Variants in LRRC7 observed in about 807,000 individuals in gnomAD.
LRRC7 encodes leucine rich repeat containing 7.
LRRC7 carries 23 observed loss-of-function variants against 175.7 expected under a neutral mutation model. That is an observed-to-expected ratio of 0.13 (90% CI 0.09 to 0.19). The LOEUF (loss-of-function observed/expected upper bound fraction) is 0.19, where lower values mean the gene tolerates loss of function less well. Among genes scored for constraint, LRRC7 ranks in the 10% least tolerant of loss-of-function variants. The pLI, the probability that LRRC7 is intolerant of heterozygous loss-of-function variation, is 1.00. For missense variants in LRRC7, 1,354 were observed against 1,904.7 expected (o/e 0.71, Z 5.38); for synonymous variants, 685 against 680.9 (o/e 1.01, Z -0.09).
intron 1 of LRRC7, among the ~76,000 whole-genome samples, chr1:69,584,869 A>G (rs1646345080): frequency 1.3e-5 from 2 of 151,572 alleles, no homozygotes; most frequent in African/African-American, 4.8e-5. Flanking sequence ...CTTGTTTCCT[A>G]CCACCTCAGG....
chr1:70,115,516 T>A (rs541060305), intron 26 of LRRC7, among the ~76,000 whole-genome samples: 19 of 152,344 alleles, frequency 1.2e-4, no homozygotes, highest in Non-Finnish European at 2.4e-4. Flanking sequence ...TACGCAATAC[T>A]GATTTCTCTG....
chr1:69,826,628 G>T (rs1479631890), intron 5 of LRRC7, among the ~76,000 whole-genome samples: 1 of 151,934 alleles, frequency 6.6e-6, no homozygotes, highest in Non-Finnish European at 1.5e-5. Flanking sequence ...CAGTTGTATT[G>T]GGCTGCAAAA....
intron 2 of LRRC7, among the ~76,000 whole-genome samples, chr1:69,718,117 G>GAA (rs750185488): frequency 0.22 from 17,152 of 78,080 alleles, 1,746 homozygotes; most frequent in South Asian, 0.27. Flanking sequence ...GAAAAAGAAA[G>GAA]AAAGAAAGAA....
chr1:69,868,188 G>T (rs1685139158), intron 7 of LRRC7, among the ~76,000 whole-genome samples: 1 of 151,980 alleles, frequency 6.6e-6, no homozygotes, highest in Non-Finnish European at 1.5e-5. Flanking sequence ...ATGCTCAAAA[G>T]ATAATATTAA....
chr1:69,649,594 G>T (rs1435278245), intron 1 of LRRC7, among the ~76,000 whole-genome samples: 1 of 152,140 alleles, frequency 6.6e-6, no homozygotes, highest in African/African-American at 2.4e-5. Flanking sequence ...AGTAATTTGG[G>T]AAGTTCTGGT....
At chr1:69,659,379 AC>A (rs572815330) in intron 1 of LRRC7, among the ~76,000 whole-genome samples, 39 of 152,130 alleles carry the variant, frequency 2.6e-4, no homozygotes, top group Admixed American at 2.4e-3. Context: ...AAAATAGATG[AC>A]AGCATTTCAG....
chr1:69,837,758 A>G (rs1681277388), intron 6 of LRRC7, among the ~76,000 whole-genome samples: 1 of 151,730 alleles, frequency 6.6e-6, no homozygotes, highest in Non-Finnish European at 1.5e-5. Flanking sequence ...TCTTTAAAAT[A>G]TCTCAGTTAA....
chr1:70,080,431 TC>T (rs1237410288), intron 24 of LRRC7, among the ~76,000 whole-genome samples: 12 of 152,188 alleles, frequency 7.9e-5, no homozygotes, highest in African/African-American at 2.9e-4. Context: ...GCTTTGAGGC[TC>T]CTCTTCAGTG....
chr1:69,734,354 C>T (rs1402301105), intron 2 of LRRC7, among the ~76,000 whole-genome samples: 6 of 151,776 alleles, frequency 4.0e-5, no homozygotes, highest in Admixed American at 3.9e-4. Flanking sequence ...TTTTTTTACT[C>T]TTAGAAATAC....
At chr1:69,831,690 C>A (rs1299898653) in intron 5 of LRRC7, among the ~76,000 whole-genome samples, 1 of 152,030 alleles carries the variant, frequency 6.6e-6, no homozygotes, top group Non-Finnish European at 1.5e-5. Context: ...AAATTTATGG[C>A]AACATCCTCT....
At chr1:70,054,348 G>A (rs1304226170) in intron 23 of LRRC7, among the ~76,000 whole-genome samples, 1 of 151,966 alleles carries the variant, frequency 6.6e-6, no homozygotes, top group Non-Finnish European at 1.5e-5. Context: ...TCTGGAAATG[G>A]CATACATATG....
intron 1 of LRRC7, among the ~76,000 whole-genome samples, chr1:69,657,394 T>C (rs1656760892): frequency 1.3e-5 from 2 of 151,980 alleles, no homozygotes; most frequent in South Asian, 4.1e-4. Flanking sequence ...ATATTTATTA[T>C]AGGTAGAATT....
rs539314151 is a variant in LRRC7 at position 69,685,495 on chromosome 1, GA to G, written c.100+7022del. On this transcript the variant is annotated intron_variant, in intron 2 of 26. Transcript: ENST00000651989. ...TATATAATCTCTTGAAACAAGTGAA[GA>G]AAAACAGAAAATCTCAGGGGAAAAA... is the stretch of plus-strand genomic sequence containing the variant. 1.5e-4 allele frequency among the ~76,000 whole-genome samples: 23 copies of G among 151,236 alleles called. No individual in the cohort carries two copies. The East Asian group carries it at 4.3e-3, about 28-fold the overall frequency.
intron 7 of LRRC7, among the ~76,000 whole-genome samples, chr1:69,880,795 TTCTAGGTTGTTC>T (rs1409694062): frequency 4.6e-5 from 7 of 152,200 alleles, no homozygotes; most frequent in Admixed American, 6.5e-5. Context: ...CAAAAACTGC[TTCTAGGTTGTTC>T]CTTAAATCAG....
In LRRC7 at chr1:69,678,498, T is replaced by C. The variant is rs747720207; in HGVS notation, c.100+20T>C. 1.6e-5 allele frequency: 25 copies of C among 1,554,056 alleles called. No individual in the cohort carries two copies. The highest frequency in any genetic ancestry group is 3.5e-5 in the South Asian group (3 of 85,886). ...AGGAGTGTAAGTATGTTTAATAGGA[T>C]TACCTGTGTTCTAGATAGATTTTGG... is the stretch of plus-strand genomic sequence containing the variant. On this transcript the variant is annotated intron_variant, in intron 2 of 26. Transcript: ENST00000651989.
intron 1 of LRRC7, among the ~76,000 whole-genome samples, chr1:69,659,760 A>AG (rs1657175447): frequency 0.019 from 1 of 52 alleles, no homozygotes; most frequent in African/African-American, 0.083. Flanking sequence ...GAAGATAATC[A>AG]AAAGCACTAC....
intron 7 of LRRC7, among the ~76,000 whole-genome samples, chr1:69,847,787 C>A (rs538353295): frequency 6.6e-6 from 1 of 152,080 alleles, no homozygotes; most frequent in East Asian, 1.9e-4. Flanking sequence ...CTTCTCATCT[C>A]TACCATTGGA....
At chr1:70,045,653 G>GTAT (rs931538037) in intron 22 of LRRC7, among the ~76,000 whole-genome samples, 1 of 152,128 alleles carries the variant, frequency 6.6e-6, no homozygotes, top group African/African-American at 2.4e-5. Flanking sequence ...ATCAAACCTT[G>GTAT]TATTAGTCTG....
chr1:69,669,838 A>G (rs773104818), intron 1 of LRRC7, among the ~76,000 whole-genome samples: 2 of 151,966 alleles, frequency 1.3e-5, no homozygotes, highest in South Asian at 2.1e-4. Context: ...TGCTTGATCA[A>G]CTCTGCTATG....
Sources: allele counts gnomAD v4.1 joint callset (sites outside exome capture counted in the v4.1 genomes callset), GRCh38; gene constraint gnomAD v4.1.1; transcripts MANE v1.5; gene names NCBI Gene and HGNC (gene_info 2026-07-23, HGNC 2026-07-21).